Variants in HEATR5B observed in about 807,000 individuals in gnomAD.
HEATR5B encodes the protein HEAT repeat-containing protein 5B.
HEATR5B carries 156 observed loss-of-function variants against 224.1 expected under a neutral mutation model. That is an observed-to-expected ratio of 0.70 (90% CI 0.61 to 0.80). The LOEUF is 0.80. Among genes scored for constraint, HEATR5B ranks in the 30% least tolerant of loss-of-function variants. The probability of loss-of-function intolerance (pLI) is 0.00; values close to 1 mark genes in which losing one functional copy is unlikely to be tolerated. For synonymous variants in HEATR5B, 1,027 were observed against 893.0 expected, an observed-to-expected ratio of 1.15 and a Z score of -2.68; for missense variants, 2,323 against 2,535.5, an observed-to-expected ratio of 0.92 and a Z score of 1.80.
At chr2:37,036,342 T>C (rs1669473949) in intron 21 of HEATR5B, among the ~76,000 whole-genome samples, 1 of 152,206 alleles carries the variant, frequency 6.6e-6, no homozygotes, top group Non-Finnish European at 1.5e-5. Context: ...GTCTTCTCTC[T>C]CAGCCTTAAT....
rs1190896047 is a variant in HEATR5B, at chr2:37,061,994, T to C, written c.1641A>G (p.Leu547=). Residue 547 remains leucine, a synonymous_variant, in exon 11 of 36, where the codon CTA becomes CTG. Coordinates refer to ENST00000233099, the MANE Select transcript of HEATR5B (RefSeq NM_019024.3). ...AGCCAGCTTGGGTGCGCTGTAAAGA[T>C]AGCCTGCTATTTTGGGCAGCAGTTC... is the stretch of plus-strand genomic sequence containing the variant. The part of the protein sequence containing the change: ...LLRTAAQNSR[L]SLQRTQAGWL... 7 of 1,614,010 alleles carry C rather than the reference T, an allele frequency of 4.3e-6. No individual in the cohort carries two copies. Among genetic ancestry groups the C allele is most frequent in the South Asian group, 2.2e-5 (2 of 91,084 alleles).
Position 37,007,236 on chromosome 2 carries a change from T to A in HEATR5B, c.4591A>T (p.Ile1531Phe). 6.2e-7 allele frequency: 1 copy of A among 1,613,986 alleles called. No homozygotes were observed. The highest frequency in any genetic ancestry group is 8.5e-7 in the Non-Finnish European group (1 of 1,179,992). Reference sequence around the variant, plus strand: ...AACCAAAGTGCCACCGCATGGAGAATTGGGGCCCAGGAATTCCGATAGTGA... The same window carrying A: ...AACCAAAGTGCCACCGCATGGAGAAATGGGGCCCAGGAATTCCGATAGTGA... ...RLHYRNSWAP[I>F]LHAVALWLNS... is the part of the protein sequence containing the mutation. Residue 1531 changes from isoleucine to phenylalanine, a missense_variant, in exon 29 of 36, where the codon ATT becomes TTT. Ile to Phe is a conservative substitution (Grantham distance 21). Transcript: ENST00000233099.
intron 14 of HEATR5B, 141 bp downstream of exon 14, chr2:37,058,310 A>T: frequency 1.7e-6 from 1 of 597,170 alleles, no homozygotes; most frequent in South Asian, 2.2e-5. Flanking sequence ...AACAAGTATC[A>T]GCTACTCTAC....
chr2:37,018,991 C>G (rs996906455), intron 26 of HEATR5B, among the ~76,000 whole-genome samples: 1 of 151,986 alleles, frequency 6.6e-6, no homozygotes, highest in Admixed American at 6.6e-5. Flanking sequence ...GAAACACTGT[C>G]TCTATTAAAA....
intron 18 of HEATR5B, among the ~76,000 whole-genome samples, chr2:37,048,188 GTTT>G (rs1392336835): frequency 1.4e-5 from 2 of 139,148 alleles, no homozygotes. Context: ...AGGACACATT[GTTT>G]TTTTTTTTTT....
chr2:36,995,087 G>GTTTTTTTTTTTT (rs775120824), intron 33 of HEATR5B, among the ~76,000 whole-genome samples: 4,083 of 103,676 alleles, frequency 0.039, 509 homozygotes, highest in Non-Finnish European at 0.048. Context: ...GTTATTCCTT[G>GTTTTTTTTTTTT]TTTTTTTTTT....
intron 12 of HEATR5B, among the ~76,000 whole-genome samples, chr2:37,059,460 ATATATTTT>A (rs1238474095): frequency 9.5e-6 from 1 of 105,208 alleles, no homozygotes; most frequent in African/African-American, 3.8e-5. Context: ...ATATATATAT[ATATATTTT>A]TTTTTTTTTT....
intron 33 of HEATR5B, among the ~76,000 whole-genome samples, chr2:36,993,524 C>A (rs1290700654): frequency 3.5e-5 from 5 of 144,602 alleles, no homozygotes; most frequent in Non-Finnish European, 4.5e-5. Context: ...GCCTGGGCAA[C>A]AGAGTGAGAC....
At chr2:37,048,453 G>A (rs1670338338) in intron 18 of HEATR5B, among the ~76,000 whole-genome samples, 1 of 151,766 alleles carries the variant, frequency 6.6e-6, no homozygotes, top group South Asian at 2.1e-4. Flanking sequence ...CCAAAGTGCT[G>A]GGATTATAGG....
chr2:36,990,475 T>C (rs890005995), intron 34 of HEATR5B, among the ~76,000 whole-genome samples, 173 bp downstream of exon 34: 1 of 152,220 alleles, frequency 6.6e-6, no homozygotes, highest in East Asian at 1.9e-4. Flanking sequence ...TGAATAAACA[T>C]ACACATGTGT....
At chr2:36,992,425 A>C (rs1666392167) in intron 33 of HEATR5B, among the ~76,000 whole-genome samples, 1 of 152,006 alleles carries the variant, frequency 6.6e-6, no homozygotes, top group East Asian at 1.9e-4. Context: ...TACAAAAAAC[A>C]AAAAAATTAG....
intron 5 of HEATR5B, among the ~76,000 whole-genome samples, chr2:37,074,300 G>GC (rs1672095376): frequency 6.7e-6 from 1 of 148,594 alleles, no homozygotes; most frequent in East Asian, 2.0e-4. Flanking sequence ...TCCAGCCTGG[G>GC]GACAGAGCAA....
intron 26 of HEATR5B, among the ~76,000 whole-genome samples, chr2:37,014,807 T>C (rs1668013311): frequency 6.6e-6 from 1 of 151,422 alleles, no homozygotes; most frequent in Non-Finnish European, 1.5e-5. Context: ...TGAAACCCCA[T>C]CTCTACTAAA....
Position 37,040,318 on chromosome 2 carries a change from G to T in HEATR5B, c.3046+11C>A. On this transcript the variant is annotated intron_variant, in intron 20 of 35. Transcript: ENST00000233099. ...CTAACTAGGTTCCTTAATTTCAGAT[G>T]ATTTACTTACCTTGTAGTTCAGGGC... 6.2e-7 allele frequency: 1 copy of T among 1,600,486 alleles called. No individual in the cohort carries two copies. Among genetic ancestry groups the T allele is most frequent in the South Asian group, 1.1e-5 (1 of 88,828 alleles).
chr2:36,982,159 G>C lies in HEATR5B; in HGVS notation c.5912-365C>G, dbSNP rs150076555. ...AATCAGGAGATTGGAGTGAGGAACAGAAACCTGAAAAGCATCTATTTACCA... is the reference window on the plus strand; with the variant it reads ...AATCAGGAGATTGGAGTGAGGAACACAAACCTGAAAAGCATCTATTTACCA... On this transcript the variant is annotated intron_variant, in intron 35 of 35. Coordinates refer to ENST00000233099, the MANE Select transcript of HEATR5B (RefSeq NM_019024.3). 4.6e-3 allele frequency among the ~76,000 whole-genome samples: 703 copies of C among 152,170 alleles called. 6 individuals carry two copies. The highest frequency in any genetic ancestry group is 0.014 in the African/African-American group (585 of 41,542).
chr2:36,983,689 T>C (rs542267075), intron 35 of HEATR5B, among the ~76,000 whole-genome samples: 2 of 151,652 alleles, frequency 1.3e-5, no homozygotes, highest in Admixed American at 6.6e-5. Flanking sequence ...GATCGTGCCA[T>C]TGCACTCCAG....
chr2:37,079,427 A>G (rs1021030128), intron 2 of HEATR5B, 96 bp from the exon 3 acceptor site: 2 of 617,752 alleles, frequency 3.2e-6, no homozygotes, highest in Non-Finnish European at 5.6e-6. Context: ...AGGCACTCTA[A>G]TAATTAAAAA....
At chr2:37,019,487 C>T (rs1380964582) in intron 26 of HEATR5B, among the ~76,000 whole-genome samples, 2 of 148,686 alleles carry the variant, frequency 1.3e-5, no homozygotes, top group South Asian at 2.1e-4. Flanking sequence ...GACAGGGTCT[C>T]GCTCCGTTGC....
intron 15 of HEATR5B, 91 bp downstream of exon 15, chr2:37,057,226 T>G: frequency 1.0e-6 from 1 of 970,274 alleles, no homozygotes; most frequent in Non-Finnish European, 1.5e-6. Context: ...ATTAAACCTT[T>G]CTATACACTA....
Sources: allele counts gnomAD v4.1 joint callset (sites outside exome capture counted in the v4.1 genomes callset), GRCh38; gene constraint gnomAD v4.1.1; transcripts MANE v1.5; gene names NCBI Gene and HGNC (gene_info 2026-07-23, HGNC 2026-07-21).